PTPRD: variants seen among roughly 807,000 people sequenced by gnomAD.
PTPRD encodes protein tyrosine phosphatase receptor type D.
Under a neutral mutation model 214.5 loss-of-function variants are expected in PTPRD, and 34 were observed. The observed-to-expected ratio is 0.16, with a 90% CI of 0.12 to 0.21. The LOEUF (loss-of-function observed/expected upper bound fraction) is 0.21, where lower values mean the gene tolerates loss of function less well. PTPRD is among the 10% of genes least tolerant of loss of function. PTPRD has a pLI of 1.00. For synonymous variants in PTPRD, 1,128 were observed against 845.7 expected (o/e 1.33, Z -5.79); for missense variants, 2,545 against 2,398.7 (o/e 1.06, Z -1.27).
chr9:9,214,353 A>G (rs1175484146), intron 9 of PTPRD, among the ~76,000 whole-genome samples: 1 of 152,210 alleles, frequency 6.6e-6, no homozygotes. Flanking sequence ...AACAAATTGC[A>G]TTTTCAGCAT....
Position 9,807,103 on chromosome 9 carries a change from A to T in PTPRD, c.-367-40252T>A, listed in dbSNP as rs185689328. Among the ~76,000 whole-genome samples the T allele has an allele frequency of 3.9e-5, 6 of 152,188 alleles. No homozygotes were observed. In the East Asian group the frequency reaches 5.8e-4, roughly 15 times the overall value. On this transcript the variant is annotated intron_variant, in intron 5 of 45. Coordinates refer to ENST00000381196, the MANE Select transcript of PTPRD (RefSeq NM_002839.4). ...TATTTCTTTTTGTTTCTGCTCTAAA[A>T]TCTTTTAATAAACTTTCACTCCCGC...
intron 32 of PTPRD, 139 bp downstream of exon 32, chr9:8,465,327 A>G (rs2096525340): frequency 4.2e-6 from 3 of 721,284 alleles, no homozygotes; most frequent in African/African-American, 3.6e-5. Flanking sequence ...TTCAAAGAGT[A>G]GGCAGCCTGT....
intron 10 of PTPRD, among the ~76,000 whole-genome samples, chr9:9,057,036 G>C (rs961147630): frequency 2.6e-5 from 4 of 152,066 alleles, no homozygotes; most frequent in African/African-American, 9.7e-5. Flanking sequence ...GGGGGGATCT[G>C]TTATAGGGTG....
intron 14 of PTPRD, among the ~76,000 whole-genome samples, chr9:8,534,753 T>C (rs1204162746): frequency 2.6e-5 from 4 of 151,860 alleles, no homozygotes; most frequent in Admixed American, 2.0e-4. Flanking sequence ...AGTGGATTTT[T>C]ATACTTAAGA....
intron 14 of PTPRD, among the ~76,000 whole-genome samples, chr9:8,567,036 C>G (rs557104200): frequency 1.3e-5 from 2 of 152,294 alleles, no homozygotes; most frequent in East Asian, 1.9e-4. Flanking sequence ...CGAATGCTAC[C>G]TTCTCCAACG....
chr9:10,343,436 A>C (rs1195596138), intron 2 of PTPRD, among the ~76,000 whole-genome samples: 5 of 152,130 alleles, frequency 3.3e-5, no homozygotes, highest in Admixed American at 3.3e-4. Context: ...TGCAATATAC[A>C]TATATGTGCA....
chr9:10,607,701 T>C (rs907493983), intron 2 of PTPRD, among the ~76,000 whole-genome samples: 1 of 151,914 alleles, frequency 6.6e-6, no homozygotes, highest in Non-Finnish European at 1.5e-5. Context: ...AAAAAAAAAG[T>C]TTCCAATTTC....
At chr9:9,287,359 CTG>C (rs1949825229) in intron 9 of PTPRD, among the ~76,000 whole-genome samples, 1 of 151,806 alleles carries the variant, frequency 6.6e-6, no homozygotes. Flanking sequence ...ACAATAATTG[CTG>C]TAATATTTAT....
At chr9:9,579,458 A>C (rs1248887576) in intron 7 of PTPRD, among the ~76,000 whole-genome samples, 3 of 152,168 alleles carry the variant, frequency 2.0e-5, no homozygotes, top group Non-Finnish European at 4.4e-5. Flanking sequence ...TCTGGGGTAC[A>C]CATACAGGAT....
chr9:10,305,865 G>A (rs548652553), intron 3 of PTPRD, among the ~76,000 whole-genome samples: 4 of 152,190 alleles, frequency 2.6e-5, no homozygotes, highest in African/African-American at 9.6e-5. Context: ...AGAGTGTGGC[G>A]ATTCCTCAAG....
intron 11 of PTPRD, among the ~76,000 whole-genome samples, chr9:8,864,154 T>C (rs1299332614): frequency 6.6e-6 from 1 of 152,252 alleles, no homozygotes; most frequent in Non-Finnish European, 1.5e-5. Flanking sequence ...TCTGTTTCTC[T>C]ATCTGTAGGA....
At chr9:9,330,038 T>C (rs976804567) in intron 9 of PTPRD, among the ~76,000 whole-genome samples, 14 of 152,128 alleles carry the variant, frequency 9.2e-5, no homozygotes, top group African/African-American at 3.4e-4. Flanking sequence ...ACTAAAAATT[T>C]AGGATGGCGG....
chr9:9,256,259 G>C (rs1396811537), intron 9 of PTPRD, among the ~76,000 whole-genome samples: 1 of 151,932 alleles, frequency 6.6e-6, no homozygotes, highest in Non-Finnish European at 1.5e-5. Context: ...AGATCTCAAG[G>C]CTTTTAGCCT....
At chr9:9,962,252 T>A (rs960210315) in intron 4 of PTPRD, among the ~76,000 whole-genome samples, 2 of 152,068 alleles carry the variant, frequency 1.3e-5, no homozygotes, top group African/African-American at 4.8e-5. Context: ...AAGAAAAGCA[T>A]GCTAAGTTTG....
intron 11 of PTPRD, among the ~76,000 whole-genome samples, chr9:8,781,776 G>C (rs1324401116): frequency 1.3e-5 from 2 of 152,262 alleles, no homozygotes; most frequent in East Asian, 1.9e-4. Context: ...ATATTACAAT[G>C]AGTACGTTTT....
intron 8 of PTPRD, among the ~76,000 whole-genome samples, chr9:9,542,487 A>C (rs1374606150): frequency 6.6e-6 from 1 of 151,864 alleles, no homozygotes. Context: ...AACAATGCCA[A>C]ATCATCAAAA....
chr9:10,086,358 A>G (rs946271374), intron 3 of PTPRD, among the ~76,000 whole-genome samples: 2 of 151,676 alleles, frequency 1.3e-5, no homozygotes, highest in African/African-American at 2.4e-5. Context: ...GAACAACCCA[A>G]CTATCCTCTC....
intron 3 of PTPRD, among the ~76,000 whole-genome samples, chr9:10,049,441 A>AAAGAAAGAAAGAAAGAAAGAAAAG (rs1555515325): frequency 0.016 from 1,801 of 110,768 alleles, 15 homozygotes; most frequent in African/African-American, 0.025. Context: ...GAAAGAAAAG[A>AAAGAAAGAAAGAAAGAAAGAAAAG]AAAAAAAAAA....
chr9:8,767,290 G>C (rs1009909142), intron 11 of PTPRD, among the ~76,000 whole-genome samples: 2 of 151,892 alleles, frequency 1.3e-5, no homozygotes, highest in South Asian at 4.2e-4. Context: ...GCTAATTTTT[G>C]TATTTTTAGT....
Sources: gnomAD v4.1 joint callset for allele counts (sites outside exome capture counted in the v4.1 genomes callset) on GRCh38, gnomAD v4.1.1 for gene constraint, MANE v1.5 for transcripts, NCBI Gene and HGNC (gene_info 2026-07-23, HGNC 2026-07-21) for gene names.